Variants in SFMBT2 observed in about 807,000 individuals in gnomAD.
SFMBT2 encodes scm-like with four MBT domains protein 2.
In SFMBT2, 38 loss-of-function variants were observed where a neutral mutation model predicts 110.1. The observed-to-expected ratio is 0.35, with a 90% confidence interval of 0.27 to 0.45. The LOEUF (loss-of-function observed/expected upper bound fraction) is 0.45. Among genes scored for constraint, SFMBT2 ranks in the 20% least tolerant of loss-of-function variants. The pLI, the probability that SFMBT2 is intolerant of heterozygous loss-of-function variation, is 1.00. For synonymous variants in SFMBT2, 425 were observed against 425.4 expected (o/e 1.00, Z 0.01); for missense variants, 1,011 against 1,094.9 (o/e 0.92, Z 1.08).
At chr10:7,181,463 T>C (rs1838245105) in intron 16 of SFMBT2, among the ~76,000 whole-genome samples, 1 of 152,184 alleles carries the variant, frequency 6.6e-6, no homozygotes. Context: ...CTTCAACTTA[T>C]CCCAAATCAA....
At chr10:7,315,054 A>AAGAAAGAAAGAAAGAAAGAAAGAG (rs1842962030) in intron 4 of SFMBT2, among the ~76,000 whole-genome samples, 1 of 129,898 alleles carries the variant, frequency 7.7e-6, no homozygotes, top group African/African-American at 2.8e-5. Context: ...GAAAGAAAGA[A>AAGAAAGAAAGAAAGAAAGAAAGAG]AGAAAGAAAG....
rs930761712 is a variant in SFMBT2 at position 7,170,529 on chromosome 10, C to T, written c.2544+399G>A. Among the ~76,000 whole-genome samples the T allele has an allele frequency of 6.6e-6, 1 of 152,170 alleles. No homozygotes were observed. The highest frequency in any genetic ancestry group is 1.5e-5 in the Non-Finnish European group (1 of 68,020). On this transcript the variant is annotated intron_variant, in intron 20 of 20. Transcript: ENST00000397167. This position sits in a 1 kb window ranked among gnomAD's most constrained non-coding sequence, Gnocchi z 4.6. ...TGACCTGGCATCTGAAAGGGCCAGC[C>T]AGGGAACTGGGACTCTCACCCCTGC...
intron 7 of SFMBT2, among the ~76,000 whole-genome samples, chr10:7,272,270 T>C (rs77649693): frequency 2.6e-5 from 4 of 152,130 alleles, no homozygotes; most frequent in African/African-American, 9.7e-5. Context: ...GTCCAGAGAC[T>C]TTTTTTAAAA....
At chr10:7,237,921 G>C (rs536352276) in intron 9 of SFMBT2, among the ~76,000 whole-genome samples, 26 of 152,308 alleles carry the variant, frequency 1.7e-4, no homozygotes, top group Admixed American at 1.6e-3. Flanking sequence ...GACTGAGTCA[G>C]GTGACAGGTG....
At chr10:7,207,259 C>G (rs1288154444) in intron 11 of SFMBT2, among the ~76,000 whole-genome samples, 1 of 151,712 alleles carries the variant, frequency 6.6e-6, no homozygotes, top group East Asian at 1.9e-4. Context: ...ACTTGGGAGG[C>G]TGAGGTGGGA....
At chr10:7,207,333 C>G (rs1839171546) in intron 11 of SFMBT2, among the ~76,000 whole-genome samples, 1 of 146,900 alleles carries the variant, frequency 6.8e-6, no homozygotes, top group East Asian at 2.0e-4. Flanking sequence ...GTACTCTGGC[C>G]TAAGTGACAG....
At chr10:7,369,785 C>T (rs1223051380) in intron 3 of SFMBT2, among the ~76,000 whole-genome samples, 3 of 152,326 alleles carry the variant, frequency 2.0e-5, no homozygotes, top group East Asian at 1.9e-4. Context: ...GGTCTATATT[C>T]CCTGTAGCTA....
chr10:7,210,719 C>T (rs1366618520), intron 11 of SFMBT2, among the ~76,000 whole-genome samples: 1 of 152,220 alleles, frequency 6.6e-6, no homozygotes, highest in East Asian at 1.9e-4. Context: ...CCCCACCTGC[C>T]CTCTGGGCGT....
chr10:7,390,619 GA>G (rs539320714), intron 1 of SFMBT2, among the ~76,000 whole-genome samples: 1,886 of 151,586 alleles, frequency 0.012, 21 homozygotes, highest in Non-Finnish European at 0.02. Flanking sequence ...TTTCTATAAA[GA>G]AAAAAAAGTC....
chr10:7,301,271 G>C lies in SFMBT2; in HGVS notation c.437-15317C>G, dbSNP rs576798101. On this transcript the variant is annotated intron_variant, in intron 4 of 20. Coordinates refer to ENST00000397167, the MANE Select transcript of SFMBT2 (RefSeq NM_001387889.1). This position sits in a 1 kb window ranked among gnomAD's most constrained non-coding sequence, Gnocchi z 4.2. ...GTCTTTATGTCATGTGCAAATCAGC[G>C]TGAGACACTAGTAACTAGCAAGACA... Among the ~76,000 whole-genome samples the C allele has an allele frequency of 6.6e-6, 1 of 152,216 alleles. No individual in the cohort carries two copies. The highest frequency in any genetic ancestry group is 6.5e-5 in the Admixed American group (1 of 15,280).
intron 11 of SFMBT2, among the ~76,000 whole-genome samples, chr10:7,216,320 G>A (rs947967913): frequency 6.6e-6 from 1 of 152,132 alleles, no homozygotes; most frequent in African/African-American, 2.4e-5. Flanking sequence ...ACTGAATCAT[G>A]GGGGGCAGCT....
At chr10:7,173,564 G>C (rs146913161) in intron 17 of SFMBT2, among the ~76,000 whole-genome samples, 106 of 152,312 alleles carry the variant, frequency 7.0e-4, no homozygotes, top group African/African-American at 2.4e-3. Context: ...TTCTACAGCA[G>C]AGACACAGGT....
intron 13 of SFMBT2, 131 bp downstream of exon 13, chr10:7,202,349 T>C: frequency 8.6e-7 from 1 of 1,162,558 alleles, no homozygotes. Flanking sequence ...GTCACTATGT[T>C]TTACTGCTAC....
At chr10:7,217,435 C>T (rs556888892) in intron 11 of SFMBT2, among the ~76,000 whole-genome samples, 3 of 152,126 alleles carry the variant, frequency 2.0e-5, no homozygotes, top group African/African-American at 7.2e-5. Flanking sequence ...AACTGCTAAA[C>T]GTGAGCTAGA....
intron 10 of SFMBT2, among the ~76,000 whole-genome samples, chr10:7,225,442 T>C (rs1839872724): frequency 6.6e-6 from 1 of 152,368 alleles, no homozygotes; most frequent in South Asian, 2.1e-4. Context: ...AGAGCACTTA[T>C]AGCAAGCTAA....
intron 16 of SFMBT2, among the ~76,000 whole-genome samples, chr10:7,188,260 A>T (rs1480749921): frequency 6.6e-6 from 1 of 152,232 alleles, no homozygotes; most frequent in Non-Finnish European, 1.5e-5. Context: ...AATATCAAAA[A>T]TGAAGAGCTG....
At chr10:7,395,116 C>G (rs1051855888) in intron 1 of SFMBT2, among the ~76,000 whole-genome samples, 1 of 152,074 alleles carries the variant, frequency 6.6e-6, no homozygotes, top group Non-Finnish European at 1.5e-5. Flanking sequence ...GTCAGGAGTT[C>G]GAGACCAGTC....
At chr10:7,306,671 A>C (rs1842706738) in intron 4 of SFMBT2, among the ~76,000 whole-genome samples, 1 of 152,166 alleles carries the variant, frequency 6.6e-6, no homozygotes. Context: ...AATCATCTAC[A>C]AATATAATAT....
intron 6 of SFMBT2, among the ~76,000 whole-genome samples, chr10:7,278,130 T>C (rs1267518284): frequency 6.6e-6 from 1 of 152,200 alleles, no homozygotes; most frequent in Admixed American, 6.5e-5. Flanking sequence ...TATAATCCTT[T>C]CTAGTGTTTC....
Sources: allele counts gnomAD v4.1 joint callset (sites outside exome capture counted in the v4.1 genomes callset), GRCh38; gene constraint gnomAD v4.1.1; non-coding constraint Gnocchi (gnomAD v3.1); transcripts MANE v1.5; gene names NCBI Gene and HGNC (gene_info 2026-07-23, HGNC 2026-07-21).